The following TULP4 variants were observed in gnomAD, a reference collection of about 807,000 sequenced individuals.
TULP4 encodes tubby-related protein 4.
Under a neutral mutation model 129.0 loss-of-function variants are expected in TULP4, and 16 were observed. The ratio of observed to expected loss-of-function variants is 0.12; its 90% CI spans 0.08 to 0.19. The LOEUF is 0.19. Ranked by LOEUF, TULP4 falls within the 10% of genes least tolerant of loss-of-function variation. TULP4 has a pLI of 1.00. For synonymous variants in TULP4, 998 were observed against 854.0 expected (o/e 1.17, Z -2.94); for missense variants, 1,842 against 2,059.1 (o/e 0.89, Z 2.04).
chr6:158,242,472 A>G (rs984907352), intron 1 of TULP4: 13 of 866,684 alleles, frequency 1.5e-5, no homozygotes, highest in Non-Finnish European at 2.6e-5. Flanking sequence ...ACGGTGTAAC[A>G]CTTATCCATA....
chr6:158,434,296 A>G (rs1303028880), intron 3 of TULP4, among the ~76,000 whole-genome samples: 4 of 152,248 alleles, frequency 2.6e-5, no homozygotes, highest in Non-Finnish European at 5.9e-5. Flanking sequence ...TTTGGAGAAT[A>G]TAAAAGTTAC....
intron 6 of TULP4, among the ~76,000 whole-genome samples, chr6:158,478,367 AC>A (rs1247769378): frequency 2.6e-5 from 4 of 152,246 alleles, no homozygotes; most frequent in Non-Finnish European, 4.4e-5. Flanking sequence ...TGATTTTGTT[AC>A]TAATAGAGCC....
intron 1 of TULP4, among the ~76,000 whole-genome samples, chr6:158,389,801 A>G (rs749637997): frequency 1.3e-5 from 2 of 152,146 alleles, no homozygotes; most frequent in African/African-American, 2.4e-5. Flanking sequence ...AGGTTAGAAT[A>G]TCTATTGTAA....
At chr6:158,494,717 T>C (rs754084898) in intron 10 of TULP4, 36 bp from the exon 11 acceptor site, 3 of 1,566,968 alleles carry the variant, frequency 1.9e-6, no homozygotes, top group Non-Finnish European at 2.6e-6. Flanking sequence ...CGGAAATAGA[T>C]TGTGATTCTT....
At chr6:158,460,787 T>C (rs905462525) in intron 5 of TULP4, among the ~76,000 whole-genome samples, 1 of 152,230 alleles carries the variant, frequency 6.6e-6, no homozygotes, top group Admixed American at 6.5e-5. Context: ...GACTTTGTTT[T>C]CGATGTGCTT....
At chr6:158,351,972 T>C (rs912453880) in intron 1 of TULP4, among the ~76,000 whole-genome samples, 6 of 152,122 alleles carry the variant, frequency 3.9e-5, no homozygotes, top group African/African-American at 1.4e-4. Context: ...TGCGTCTGCC[T>C]TGGCCTCCCA....
intron 1 of TULP4, among the ~76,000 whole-genome samples, chr6:158,299,009 C>T (rs1189469007): frequency 6.6e-6 from 1 of 152,064 alleles, no homozygotes; most frequent in African/African-American, 2.4e-5. Flanking sequence ...ATGCAAGGGG[C>T]GGTAGTGGGG....
chr6:158,375,395 G>A (rs766101313), intron 1 of TULP4, among the ~76,000 whole-genome samples: 3 of 152,274 alleles, frequency 2.0e-5, no homozygotes, highest in East Asian at 1.9e-4. Context: ...TGAATAAAAC[G>A]ATAAATGAGA....
chr6:158,311,550 C>T (rs1314498449), upstream of TULP4, among the ~76,000 whole-genome samples: 1 of 152,184 alleles, frequency 6.6e-6, no homozygotes, highest in African/African-American at 2.4e-5. Flanking sequence ...TGCTCCGAGA[C>T]CTGCCAGCCA....
In TULP4 at chr6:158,503,964, G is replaced by A. The variant is rs1000461301; in HGVS notation, c.4301G>A (p.Arg1434His). Residue 1434 changes from arginine to histidine, a missense_variant, in exon 13 of 14, where the codon CGC becomes CAC. By Grantham distance (29) the Arg-to-His change is conservative. Coordinates refer to ENST00000367097, the MANE Select transcript of TULP4 (RefSeq NM_020245.5). The surrounding 1 kb of genome is among the most constrained non-coding windows in gnomAD (Gnocchi z 4.3). Reference protein sequence around the residue: ...QGSRKGWKSKRSPRAAGELEE... With the variant: ...QGSRKGWKSKHSPRAAGELEE... ...AGCAGAAAGGGCTGGAAAAGCAAGCGCTCCCCACGGGCCGCCGGCGAGCTG... is the reference window on the plus strand; with the variant it reads ...AGCAGAAAGGGCTGGAAAAGCAAGCACTCCCCACGGGCCGCCGGCGAGCTG... The A allele has an allele frequency of 1.5e-5, 25 of 1,613,278 alleles. No individual in the cohort carries two copies. Among genetic ancestry groups the A allele is most frequent in the Non-Finnish European group, 2.0e-5 (24 of 1,179,686 alleles).
At chr6:158,256,503 G>A (rs1265807219) in intron 1 of TULP4, among the ~76,000 whole-genome samples, 1 of 152,068 alleles carries the variant, frequency 6.6e-6, no homozygotes, top group Non-Finnish European at 1.5e-5. Flanking sequence ...ACCTGTTGGC[G>A]GTTATAAAAA....
At chr6:158,458,931 C>A (rs558313343) in intron 5 of TULP4, among the ~76,000 whole-genome samples, 108 of 152,300 alleles carry the variant, frequency 7.1e-4, no homozygotes, top group African/African-American at 2.4e-3. Flanking sequence ...TGTCCCTGGT[C>A]GCGGCTGTGC....
intron 1 of TULP4, among the ~76,000 whole-genome samples, chr6:158,297,059 G>A (rs1246142030): frequency 6.6e-6 from 1 of 152,134 alleles, no homozygotes; most frequent in Non-Finnish European, 1.5e-5. Context: ...AAGCCTGAGG[G>A]TACTGCAGGA....
intron 1 of TULP4, among the ~76,000 whole-genome samples, chr6:158,345,425 G>C (rs1350049683): frequency 6.6e-6 from 1 of 152,180 alleles, no homozygotes; most frequent in African/African-American, 2.4e-5. Flanking sequence ...TTTCAGTGTA[G>C]GTTCTTTCTA....
At chr6:158,354,002 G>T (rs761768483) in intron 1 of TULP4, among the ~76,000 whole-genome samples, 1 of 152,182 alleles carries the variant, frequency 6.6e-6, no homozygotes, top group African/African-American at 2.4e-5. Flanking sequence ...CAGAGTCTTC[G>T]GGGAGCAATT....
At chr6:158,373,700 C>G (rs940022279) in intron 1 of TULP4, among the ~76,000 whole-genome samples, 1 of 152,174 alleles carries the variant, frequency 6.6e-6, no homozygotes, top group African/African-American at 2.4e-5. Flanking sequence ...CCTGAGTCCA[C>G]AAAGATTTTT....
intron 1 of TULP4, among the ~76,000 whole-genome samples, chr6:158,235,639 C>T (rs577927680): frequency 7.9e-5 from 12 of 152,272 alleles, no homozygotes; most frequent in African/African-American, 2.6e-4. Flanking sequence ...TGAGCCACCA[C>T]GCCCAGCCGA....
chr6:158,425,681 G>A (rs1778473714), intron 2 of TULP4, among the ~76,000 whole-genome samples: 1 of 151,728 alleles, frequency 6.6e-6, no homozygotes, highest in African/African-American at 2.4e-5. Flanking sequence ...TTGGCTCTCT[G>A]CAACCTCCAC....
intron 1 of TULP4, among the ~76,000 whole-genome samples, chr6:158,357,448 T>C (rs542565015): frequency 8.5e-5 from 13 of 152,340 alleles, no homozygotes; most frequent in African/African-American, 2.9e-4. Context: ...GAAGATTCTC[T>C]TTCCCAGGAG....
Sources: gnomAD v4.1 joint callset for allele counts (sites outside exome capture counted in the v4.1 genomes callset) on GRCh38, gnomAD v4.1.1 for gene constraint, Gnocchi (gnomAD v3.1) non-coding constraint, MANE v1.5 for transcripts, NCBI Gene and HGNC (gene_info 2026-07-23, HGNC 2026-07-21) for gene names.